RYR2: variants seen among roughly 807,000 people sequenced by gnomAD.
RYR2 encodes cardiac muscle ryanodine receptor-calcium release channel.
Under a neutral mutation model 601.1 loss-of-function variants are expected in RYR2, and 227 were observed. That is an observed-to-expected ratio of 0.38 (90% CI 0.34 to 0.42). The LOEUF (loss-of-function observed/expected upper bound fraction) is 0.42, where lower values mean the gene tolerates loss of function less well. Among genes scored for constraint, RYR2 ranks in the 10% least tolerant of loss-of-function variants. RYR2 has a pLI of 1.00. For missense variants in RYR2, 4,646 were observed against 6,156.5 expected, an observed-to-expected ratio of 0.75 and a Z score of 8.21; for synonymous variants, 2,223 against 2,175.1, an observed-to-expected ratio of 1.02 and a Z score of -0.61.
chr1:237,326,824 T>C (rs1029787087), intron 2 of RYR2, among the ~76,000 whole-genome samples: 14 of 152,236 alleles, frequency 9.2e-5, no homozygotes, highest in South Asian at 2.1e-4. Flanking sequence ...CTTCCATTCC[T>C]GGCATTAGGA....
At chr1:237,054,373 T>C (rs915197909) in intron 1 of RYR2, among the ~76,000 whole-genome samples, 18 of 121,060 alleles carry the variant, frequency 1.5e-4, no homozygotes, top group Middle Eastern at 0.014. Flanking sequence ...GGTAAAAGAC[T>C]GTAAATTGGA....
At chr1:237,506,183 C>A (rs1665215739) in intron 22 of RYR2, among the ~76,000 whole-genome samples, 2 of 147,170 alleles carry the variant, frequency 1.4e-5, no homozygotes, top group Admixed American at 6.7e-5. Flanking sequence ...TTTCTGGTGG[C>A]TCATAAATTG....
At chr1:237,668,008 A>G (rs1684473808) in intron 58 of RYR2, 50 bp downstream of exon 58, 1 of 1,397,740 alleles carries the variant, frequency 7.2e-7, no homozygotes, top group Non-Finnish European at 9.8e-7. Flanking sequence ...GCTCAATTCC[A>G]TGAGTGTATG....
chr1:237,633,269 G>A (rs1334505157), intron 42 of RYR2, among the ~76,000 whole-genome samples: 1 of 152,192 alleles, frequency 6.6e-6, no homozygotes, highest in African/African-American at 2.4e-5. Flanking sequence ...TCCCATGGAA[G>A]CACAGCTGAT....
In RYR2 at chr1:237,456,599, G is replaced by A; in HGVS notation, c.1477-1G>A. On this transcript the variant is annotated splice_acceptor_variant, in intron 15 of 104. Transcript: ENST00000366574. LOFTEE classifies it high-confidence loss of function. ...GATTTTTTTTTTTTTTAACGTTCCA[G>A]GGAATGATCAACCTCGTGCTTGAGT... 6.7e-7 allele frequency: 1 copy of A among 1,497,904 alleles called. No individual in the cohort carries two copies. The highest frequency in any genetic ancestry group is 9.0e-7 in the Non-Finnish European group (1 of 1,114,982). The allele number at this position is 1,497,904 out of a possible 1,614,324, so 92.8% of individuals were successfully genotyped here.
At chr1:237,481,120 A>ATG (rs1558892527) in intron 17 of RYR2, among the ~76,000 whole-genome samples, 2 of 147,890 alleles carry the variant, frequency 1.4e-5, no homozygotes, top group African/African-American at 2.5e-5. Context: ...ATATATATAT[A>ATG]TATATACACA....
chr1:237,727,170 C>G lies in RYR2; in HGVS notation c.10809C>G (p.Phe3603Leu). The change falls in exon 76 of 105, where the codon TTC (phenylalanine) becomes TTG (leucine). Residue 3603 changes from phenylalanine (F) to leucine (L), a missense_variant. Physicochemically the swap from Phe to Leu is conservative, Grantham distance 22. Around this residue, in one of 17 missense-constraint regions of RYR2, gnomAD observed 1,497 missense variants for 1,842.6 expected, o/e 0.81. Transcript: ENST00000366574. ...KQRKRAVVAC[F>L]RMAPLYNLPR... The stretch of plus-strand genomic sequence containing the variant: ...GGAAAAGGGCTGTTGTAGCCTGCTT[C>G]CGGATGGCCCCCTTATATAATCTGC... The G allele has an allele frequency of 6.4e-7, 1 of 1,574,712 alleles. No individual in the cohort carries two copies. The highest frequency in any genetic ancestry group is 1.2e-5 in the South Asian group (1 of 84,794).
chr1:237,042,440 G>A lies in RYR2; in HGVS notation c.-82G>A. 1.7e-6 allele frequency: 2 copies of A among 1,200,604 alleles called. No individual in the cohort carries two copies. Among genetic ancestry groups the A allele is most frequent in the Non-Finnish European group, 2.1e-6 (2 of 953,790 alleles). 74.4% of individuals were successfully genotyped at this position (1,200,604 alleles called of 1,614,324 possible). On this transcript the variant is annotated 5_prime_UTR_variant, in exon 1 of 105. Coordinates refer to ENST00000366574, the MANE Select transcript of RYR2 (RefSeq NM_001035.3). ...CAGCCCCCGGCTCCCGGCAGCAGAAGCAGAAGGCAGCGCCAGGGGCCGCCG... is the reference window on the plus strand; with the variant it reads ...CAGCCCCCGGCTCCCGGCAGCAGAAACAGAAGGCAGCGCCAGGGGCCGCCG...
chr1:237,614,788 A>G lies in RYR2; in HGVS notation c.5660A>G (p.Lys1887Arg), dbSNP rs1415979370. Residue 1887 changes from lysine (K) to arginine (R), a missense_variant, in exon 37 of 105, where the codon AAG (lysine) becomes AGG (arginine). Lys to Arg is a conservative substitution (Grantham distance 26, BLOSUM62 2). This residue lies in a region of RYR2 where 1,807 missense variants were observed against 2,088.1 expected (regional missense o/e 0.87). Transcript: ENST00000366574. The surrounding 1 kb of genome is among the most constrained non-coding windows in gnomAD (Gnocchi z 4.3). ...GAGEEEAKGG[K>R]RPKEGLLQMK... is the part of the protein sequence containing the mutation. ...GGTGAGGAAGAAGCCAAGGGGGGCAAGCGGCCCAAGGAAGGCCTGCTCCAA... is the reference window on the plus strand; with the variant it reads ...GGTGAGGAAGAAGCCAAGGGGGGCAGGCGGCCCAAGGAAGGCCTGCTCCAA... The G allele has an allele frequency of 2.5e-6, 4 of 1,608,854 alleles. No individual in the cohort carries two copies. Among genetic ancestry groups the G allele is most frequent in the African/African-American group, 1.3e-5 (1 of 74,750 alleles).
intron 2 of RYR2, among the ~76,000 whole-genome samples, chr1:237,281,077 G>A (rs906114830): frequency 7.2e-5 from 11 of 152,144 alleles, no homozygotes; most frequent in African/African-American, 2.2e-4. Flanking sequence ...GAGCCACCAC[G>A]CCTGGCCTCT....
At chr1:237,755,076 G>C in intron 80 of RYR2, 1 of 1,288,880 alleles carries the variant, frequency 7.8e-7, no homozygotes, top group Non-Finnish European at 1.0e-6. Flanking sequence ...TATTATCAAA[G>C]ATTTAAGAAA....
chr1:237,514,439 A>G (rs903032007), intron 24 of RYR2, among the ~76,000 whole-genome samples: 2 of 152,188 alleles, frequency 1.3e-5, no homozygotes, highest in Admixed American at 1.3e-4. Flanking sequence ...CACCCTCTTC[A>G]CAAGCAAATG....
intron 17 of RYR2, among the ~76,000 whole-genome samples, chr1:237,476,882 G>C (rs1661469837): frequency 6.6e-6 from 1 of 152,114 alleles, no homozygotes; most frequent in Admixed American, 6.6e-5. Context: ...AACAATTCAG[G>C]CAACACTATT....
In RYR2 at chr1:237,784,376, G is replaced by A. The variant is rs758453646; in HGVS notation, c.12664G>A (p.Glu4222Lys). The change falls in exon 90 of 105, where the codon GAG becomes AAG. Residue 4222 changes from glutamate (E) to lysine (K), a missense_variant. By Grantham distance (56) the Glu-to-Lys change is moderately conservative (BLOSUM62 1). This residue lies in a region of RYR2 where 364 missense variants were observed against 442.9 expected (regional missense o/e 0.82). Transcript: ENST00000366574. This position sits in a 1 kb window ranked among gnomAD's most constrained non-coding sequence, Gnocchi z 7.1. ...GAGGTCAGCGAATAAGGAAGAAAGCGAGAAGGAGAGGCCGGAAGAGCAGGG... is the reference window on the plus strand; with the variant it reads ...GAGGTCAGCGAATAAGGAAGAAAGCAAGAAGGAGAGGCCGGAAGAGCAGGG... ...NERSANKEES[E>K]KERPEEQGPR... The A allele has an allele frequency of 8.1e-6, 13 of 1,613,866 alleles. No individual in the cohort carries two copies. Among genetic ancestry groups the A allele is most frequent in the African/African-American group, 8.0e-5 (6 of 74,924 alleles).
intron 1 of RYR2, among the ~76,000 whole-genome samples, chr1:237,061,052 G>A (rs1004146237): frequency 1.3e-5 from 2 of 152,130 alleles, no homozygotes; most frequent in African/African-American, 4.8e-5. Flanking sequence ...AATCATTATG[G>A]TGGATGTATA....
chr1:237,391,908 C>T (rs1168888730), intron 10 of RYR2, among the ~76,000 whole-genome samples: 2 of 152,060 alleles, frequency 1.3e-5, no homozygotes, highest in Non-Finnish European at 2.9e-5. Context: ...GCCCATTTTG[C>T]TTTTATGGAT....
intron 17 of RYR2, among the ~76,000 whole-genome samples, chr1:237,489,056 T>G (rs2927942): frequency 0.28 from 42,810 of 152,032 alleles, 6,124 homozygotes; most frequent in South Asian, 0.41. Flanking sequence ...AAAGCAGCCA[T>G]AGACAGTATG....
At chr1:237,580,081 G>T (rs189496768) in intron 29 of RYR2, among the ~76,000 whole-genome samples, 1 of 151,788 alleles carries the variant, frequency 6.6e-6, no homozygotes, top group Admixed American at 6.6e-5. Flanking sequence ...TAATTCTTAC[G>T]ACTGTGAGGA....
chr1:237,801,541 C>CAAA (rs113741938), intron 97 of RYR2, among the ~76,000 whole-genome samples: 3,994 of 106,284 alleles, frequency 0.038, 129 homozygotes, highest in African/African-American at 0.084. Flanking sequence ...AACTCTGTCT[C>CAAA]AAAAAAAAAA....
Sources: gnomAD v4.1 joint callset for allele counts (sites outside exome capture counted in the v4.1 genomes callset) on GRCh38, gnomAD v4.1.1 for gene constraint, gnomAD v4.1.1 regional missense constraint, Gnocchi (gnomAD v3.1) non-coding constraint, MANE v1.5 for transcripts, NCBI Gene and HGNC (gene_info 2026-07-23, HGNC 2026-07-21) for gene names.